NKAIN3: variants seen among roughly 807,000 people sequenced by gnomAD.
NKAIN3 encodes the protein sodium/potassium-transporting ATPase subunit beta-1-interacting protein 3.
Under a neutral mutation model 30.2 loss-of-function variants are expected in NKAIN3, and 25 were observed. The ratio of observed to expected loss-of-function variants is 0.83; its 90% CI spans 0.60 to 1.16. NKAIN3 has a LOEUF of 1.16. Ranked by LOEUF, NKAIN3 falls within the 50% of genes most tolerant of loss-of-function variation. The pLI is 0.00. For missense variants in NKAIN3, 225 were observed against 254.1 expected (o/e 0.89, Z 0.78); for synonymous variants, 91 against 89.6 (o/e 1.02, Z -0.09).
intron 1 of NKAIN3, among the ~76,000 whole-genome samples, chr8:62,295,050 G>A (rs531689439): frequency 1.2e-4 from 19 of 152,098 alleles, no homozygotes; most frequent in Middle Eastern, 3.4e-3. Flanking sequence ...AAATCTATGT[G>A]GCACCTGTCC....
At chr8:62,343,551 T>A (rs1269971141) in intron 1 of NKAIN3, among the ~76,000 whole-genome samples, 1 of 152,120 alleles carries the variant, frequency 6.6e-6, no homozygotes, top group Non-Finnish European at 1.5e-5. Context: ...GGCACACACC[T>A]GGAATCTCAG....
Position 62,980,614 on chromosome 8 carries a change from C to A in NKAIN3, c.*15207C>A, listed in dbSNP as rs1244940529. 1 of 152,146 alleles carries A rather than the reference C, an allele frequency of 6.6e-6. No individual in the cohort carries two copies. Among genetic ancestry groups the A allele is most frequent in the Non-Finnish European group, 1.5e-5 (1 of 68,024 alleles). The allele number at this position is 152,146 out of a possible 1,614,324, so 9.4% of individuals were successfully genotyped here. A position where few individuals can be genotyped will look rare whatever the true frequency, so the allele number is the denominator to read the frequency against. On this transcript the variant is annotated 3_prime_UTR_variant, in exon 7 of 7. Transcript: ENST00000623646. ...CATAATATTTAACCCATTTCTTCTA[C>A]TAATATCTTTTAATATTTATGCTAT...
intron 1 of NKAIN3, among the ~76,000 whole-genome samples, chr8:62,401,061 C>G (rs1356291856): frequency 1.5e-5 from 2 of 132,456 alleles, no homozygotes; most frequent in African/African-American, 5.1e-5. Flanking sequence ...AGGCCAAGAA[C>G]TCTTAGATTT....
intron 3 of NKAIN3, among the ~76,000 whole-genome samples, chr8:62,644,380 C>G (rs1016579658): frequency 6.6e-6 from 1 of 152,038 alleles, no homozygotes; most frequent in Non-Finnish European, 1.5e-5. Context: ...AAATTAGGTG[C>G]AACATCCTGA....
At chr8:62,629,487 A>T (rs1811889747) in intron 3 of NKAIN3, among the ~76,000 whole-genome samples, 1 of 152,146 alleles carries the variant, frequency 6.6e-6, no homozygotes, top group African/African-American at 2.4e-5. Context: ...GTTATAATAC[A>T]TCCATAGCAG....
intron 1 of NKAIN3, among the ~76,000 whole-genome samples, chr8:62,466,727 G>A (rs2129599797): frequency 6.6e-6 from 1 of 152,240 alleles, no homozygotes; most frequent in Non-Finnish European, 1.5e-5. Flanking sequence ...TTCTGCCATA[G>A]GATAAACTTA....
chr8:62,658,038 C>T (rs1812816641), intron 3 of NKAIN3, among the ~76,000 whole-genome samples: 1 of 152,144 alleles, frequency 6.6e-6, no homozygotes, highest in Admixed American at 6.6e-5. Context: ...TGTTTACACT[C>T]AGCTTTTAAT....
intron 3 of NKAIN3, among the ~76,000 whole-genome samples, chr8:62,664,700 G>A (rs538276538): frequency 3.9e-5 from 6 of 152,122 alleles, no homozygotes; most frequent in South Asian, 2.1e-4. Flanking sequence ...CCCAGAACAT[G>A]AGATTGTAAT....
intron 1 of NKAIN3, among the ~76,000 whole-genome samples, chr8:62,288,643 G>A (rs755473461): frequency 2.6e-5 from 4 of 152,094 alleles, no homozygotes; most frequent in Non-Finnish European, 4.4e-5. Context: ...GTCTATCATT[G>A]ATGGACATTT....
intron 4 of NKAIN3, among the ~76,000 whole-genome samples, chr8:62,818,014 C>T (rs550771304): frequency 1.3e-4 from 20 of 152,134 alleles, no homozygotes; most frequent in East Asian, 9.7e-4. Context: ...AGAATGTGAA[C>T]GGTACTGCTT....
In NKAIN3 at chr8:62,479,447, A is replaced by G. The variant is rs144183237; in HGVS notation, c.55-100092A>G. On this transcript the variant is annotated intron_variant, in intron 1 of 6. Coordinates refer to ENST00000623646, the MANE Select transcript of NKAIN3 (RefSeq NM_001304533.3). ...TGGTGAAGCCTGAATTTGAACCCAG[A>G]TCTGAGTTCCAAAGGCCCTGTTCCC... 4.6e-5 allele frequency among the ~76,000 whole-genome samples: 7 copies of G among 152,188 alleles called. No homozygotes were observed. In the East Asian group the frequency reaches 1.4e-3, roughly 30 times the overall value.
intron 1 of NKAIN3, among the ~76,000 whole-genome samples, chr8:62,337,120 G>A (rs1352196065): frequency 6.6e-6 from 1 of 151,998 alleles, no homozygotes; most frequent in Non-Finnish European, 1.5e-5. Flanking sequence ...GGACGCTTAG[G>A]CCCCAAGAAT....
intron 4 of NKAIN3, among the ~76,000 whole-genome samples, chr8:62,762,031 C>T (rs1563550632): frequency 6.6e-6 from 1 of 152,104 alleles, no homozygotes; most frequent in African/African-American, 2.4e-5. Context: ...TAGGAAGTAG[C>T]ATTGCTGGAC....
intron 1 of NKAIN3, among the ~76,000 whole-genome samples, chr8:62,512,548 G>GT (rs1184761913): frequency 2.0e-5 from 3 of 152,056 alleles, no homozygotes; most frequent in Admixed American, 6.6e-5. Context: ...TATTTATTGT[G>GT]TTTTTTCAAT....
At chr8:62,369,322 T>C (rs577249471) in intron 1 of NKAIN3, among the ~76,000 whole-genome samples, 70 of 152,260 alleles carry the variant, frequency 4.6e-4, no homozygotes, top group African/African-American at 1.6e-3. Flanking sequence ...GGTGTCTTTT[T>C]TGGTGAATTC....
At chr8:62,848,082 C>G (rs1819746305) in intron 4 of NKAIN3, among the ~76,000 whole-genome samples, 1 of 152,068 alleles carries the variant, frequency 6.6e-6, no homozygotes, top group Non-Finnish European at 1.5e-5. Flanking sequence ...GTTACTGTAG[C>G]CTTTAGTATA....
intron 5 of NKAIN3, among the ~76,000 whole-genome samples, chr8:62,937,848 G>T (rs1238532110): frequency 6.6e-6 from 1 of 152,014 alleles, no homozygotes; most frequent in South Asian, 2.1e-4. Context: ...AAATAAATTT[G>T]GTGCTATTGG....
At chr8:62,351,791 A>G (rs1335547246) in intron 1 of NKAIN3, among the ~76,000 whole-genome samples, 1 of 152,226 alleles carries the variant, frequency 6.6e-6, no homozygotes, top group Non-Finnish European at 1.5e-5. Context: ...TGGACTGAAC[A>G]TAATGAAAAT....
intron 1 of NKAIN3, among the ~76,000 whole-genome samples, chr8:62,414,070 G>A (rs926897477): frequency 2.0e-5 from 3 of 152,044 alleles, no homozygotes; most frequent in African/African-American, 7.2e-5. Context: ...TTGTACTTCT[G>A]TGTGCATACG....
Sources: gnomAD v4.1 joint callset for allele counts (sites outside exome capture counted in the v4.1 genomes callset) on GRCh38, gnomAD v4.1.1 for gene constraint, MANE v1.5 for transcripts, NCBI Gene and HGNC (gene_info 2026-07-23, HGNC 2026-07-21) for gene names.